RERE: variants seen among roughly 807,000 people sequenced by gnomAD.
RERE encodes arginine-glutamic acid dipeptide repeats, also known as arginine-glutamic acid dipeptide repeats protein.
Under a neutral mutation model 146.1 loss-of-function variants are expected in RERE, and 40 were observed. The ratio of observed to expected loss-of-function variants is 0.27; its 90% CI spans 0.21 to 0.36. The LOEUF (loss-of-function observed/expected upper bound fraction) is 0.36, where lower values mean the gene tolerates loss of function less well. Ranked by LOEUF, RERE falls within the 10% of genes least tolerant of loss-of-function variation. The pLI is 1.00. For synonymous variants in RERE, 1,003 were observed against 866.0 expected (o/e 1.16, Z -2.78); for missense variants, 1,933 against 2,138.7 (o/e 0.90, Z 1.90).
intron 12 of RERE, among the ~76,000 whole-genome samples, chr1:8,410,369 C>T (rs1643580768): frequency 6.6e-6 from 1 of 152,114 alleles, no homozygotes; most frequent in Admixed American, 6.5e-5. Context: ...AGCCAGAAGC[C>T]CAGGCAGGGG....
intron 4 of RERE, among the ~76,000 whole-genome samples, chr1:8,571,579 T>C (rs1369004862): frequency 6.6e-6 from 1 of 152,248 alleles, no homozygotes; most frequent in Non-Finnish European, 1.5e-5. Flanking sequence ...AATTATATTT[T>C]CCTGGTTTAC....
intron 12 of RERE, among the ~76,000 whole-genome samples, chr1:8,401,017 CAA>C (rs142269202): frequency 0.39 from 25,223 of 65,098 alleles, 6,308 homozygotes; most frequent in East Asian, 0.81. Flanking sequence ...GACTCTGTCT[CAA>C]AAAAAAAAAA....
intron 2 of RERE, among the ~76,000 whole-genome samples, chr1:8,628,396 A>T (rs1176189339): frequency 2.0e-5 from 3 of 152,176 alleles, no homozygotes; most frequent in Non-Finnish European, 2.9e-5. Flanking sequence ...TGCCATAGGA[A>T]TGGGGAAAAA....
rs992236684 is a variant in RERE, at chr1:8,495,151, G to A, written c.1016C>T (p.Ala339Val). Reference sequence around the variant, plus strand: ...GCCTCCATCACACATTCCTGCAAATGCCGCCATGCTCCTTCAGAAGAAAAG... The same window carrying A: ...GCCTCCATCACACATTCCTGCAAATACCGCCATGCTCCTTCAGAAGAAAAG... ...MYLRAARSMA[A>V]FAGMCDGGST... Residue 339 changes from alanine (A) to valine (V), a missense_variant, in exon 10 of 23, where the codon GCA (alanine) becomes GTA (valine). Coordinates refer to ENST00000400908, the MANE Select transcript of RERE (RefSeq NM_001042681.2). 10 of 1,613,294 alleles carry A rather than the reference G, an allele frequency of 6.2e-6. No homozygotes were observed. Among genetic ancestry groups the A allele is most frequent in the Non-Finnish European group, 8.5e-6 (10 of 1,179,320 alleles).
intron 1 of RERE, among the ~76,000 whole-genome samples, chr1:8,678,235 T>C (rs956493960): frequency 5.3e-5 from 8 of 152,200 alleles, no homozygotes; most frequent in East Asian, 3.8e-4. Context: ...ACTAACAAGC[T>C]TTCCTCTTTT....
At chr1:8,494,536 CTAACATGGTGAAACCCCGTCTCTACTA>C (rs1557657295) in intron 10 of RERE, among the ~76,000 whole-genome samples, 2 of 152,044 alleles carry the variant, frequency 1.3e-5, no homozygotes, top group African/African-American at 2.4e-5. Flanking sequence ...ATCATCCTGG[CTAACATGGTGAAACCCCGTCTCTACTA>C]AAAATACAAA....
At chr1:8,389,575 AC>A (rs1642807556) in intron 12 of RERE, among the ~76,000 whole-genome samples, 1 of 151,510 alleles carries the variant, frequency 6.6e-6, no homozygotes, top group South Asian at 2.1e-4. Flanking sequence ...CTTAGGCAAG[AC>A]CCCCCTACCG....
chr1:8,810,478 T>A (rs1020509460), intron 1 of RERE, among the ~76,000 whole-genome samples: 1 of 152,164 alleles, frequency 6.6e-6, no homozygotes, highest in Non-Finnish European at 1.5e-5. Flanking sequence ...TGATGGTGCA[T>A]GCCTATGGTC....
At chr1:8,789,488 A>G (rs556384638) in intron 1 of RERE, among the ~76,000 whole-genome samples, 3 of 151,418 alleles carry the variant, frequency 2.0e-5, no homozygotes, top group Admixed American at 6.6e-5. Flanking sequence ...AGATGCACAC[A>G]TAACTCTTTA....
At chr1:8,746,764 G>C (rs1209921599) in intron 1 of RERE, among the ~76,000 whole-genome samples, 1 of 150,610 alleles carries the variant, frequency 6.6e-6, no homozygotes, top group Non-Finnish European at 1.5e-5. Context: ...ACAGCAAGAA[G>C]GCCTGTGTGG....
intron 11 of RERE, among the ~76,000 whole-genome samples, chr1:8,440,099 T>C (rs901612403): frequency 2.0e-5 from 3 of 152,092 alleles, no homozygotes; most frequent in Non-Finnish European, 2.9e-5. Context: ...AAAATATCTA[T>C]GGTGCATGTA....
At chr1:8,654,630 G>GTTTT (rs978497523) in intron 2 of RERE, among the ~76,000 whole-genome samples, 3 of 140,354 alleles carry the variant, frequency 2.1e-5, no homozygotes, top group African/African-American at 7.7e-5. Flanking sequence ...ATCTTGTTTT[G>GTTTT]TTTTTTTTTG....
intron 3 of RERE, among the ~76,000 whole-genome samples, chr1:8,623,300 A>T (rs1395170109): frequency 6.6e-6 from 1 of 152,070 alleles, no homozygotes; most frequent in Non-Finnish European, 1.5e-5. Context: ...ATACAAAAAA[A>T]ATCAGCCGGT....
At chr1:8,741,732 C>T (rs978186804) in intron 1 of RERE, among the ~76,000 whole-genome samples, 4 of 152,184 alleles carry the variant, frequency 2.6e-5, no homozygotes, top group Non-Finnish European at 4.4e-5. Context: ...ATAAATTACC[C>T]AGTCTTAGAC....
At chr1:8,726,150 T>TTTTC (rs1413911161) in intron 1 of RERE, among the ~76,000 whole-genome samples, 1 of 111,152 alleles carries the variant, frequency 9.0e-6, no homozygotes, top group African/African-American at 4.3e-5. Context: ...TTCTTTTCTT[T>TTTTC]TTTTTTTTTT....
In RERE at chr1:8,711,207, T is replaced by G. The variant is rs190405497; in HGVS notation, c.-144-54766A>C. ...AAAAAAGGGAGTGATAAACTGCTAA[T>G]AAGTATTTAAAGTATTATATCATGA... On this transcript the variant is annotated intron_variant, in intron 1 of 22. Transcript: ENST00000400908. Among the ~76,000 whole-genome samples, 5 of 138,438 alleles carry G rather than the reference T, an allele frequency of 3.6e-5. No homozygotes were observed. In the East Asian group the frequency reaches 1.0e-3, roughly 28 times the overall value. The allele number at this position is 138,438 out of a possible 152,430, so 90.8% of individuals were successfully genotyped here.
chr1:8,604,025 T>A (rs141648472), intron 4 of RERE, among the ~76,000 whole-genome samples: 22 of 151,760 alleles, frequency 1.4e-4, no homozygotes, highest in African/African-American at 5.3e-4. Flanking sequence ...GTTACTGGAG[T>A]TGGGGACAAG....
At position 8,495,134 on chromosome 1, in the gene RERE, C is replaced by T. The variant is rs1249447484; in HGVS notation, c.1033G>A (p.Asp345Asn). ...CAGCCGTCCTCTGTAGAGCCTCCATCACACATTCCTGCAAATGCCGCCATG... is the reference window on the plus strand; with the variant it reads ...CAGCCGTCCTCTGTAGAGCCTCCATTACACATTCCTGCAAATGCCGCCATG... ...RSMAAFAGMC[D>N]GGSTEDGCVA... The change falls in exon 10 of 23, where the codon GAT becomes AAT. Residue 345 changes from aspartate to asparagine, a missense_variant. Physicochemically the swap from Asp to Asn is conservative, Grantham distance 23. Transcript: ENST00000400908. The T allele has an allele frequency of 8.7e-6, 14 of 1,613,818 alleles. No homozygotes were observed. The highest frequency in any genetic ancestry group is 1.2e-5 in the Non-Finnish European group (14 of 1,179,842).
At chr1:8,613,736 G>A (rs1646818453) in intron 4 of RERE, among the ~76,000 whole-genome samples, 1 of 152,114 alleles carries the variant, frequency 6.6e-6, no homozygotes, top group African/African-American at 2.4e-5. Context: ...TGACGTCAAT[G>A]TAACTGCAAC....
Sources: gnomAD v4.1 joint callset for allele counts (sites outside exome capture counted in the v4.1 genomes callset) on GRCh38, gnomAD v4.1.1 for gene constraint, MANE v1.5 for transcripts, NCBI Gene and HGNC (gene_info 2026-07-23, HGNC 2026-07-21) for gene names.